The following SCLT1 variants were observed in gnomAD, a reference collection of about 807,000 sequenced individuals.
The protein encoded by SCLT1 is sodium channel-associated protein 1.
Under a neutral mutation model 112.8 loss-of-function variants are expected in SCLT1, and 78 were observed. The ratio of observed to expected loss-of-function variants is 0.69; its 90% CI spans 0.58 to 0.83. SCLT1 has a LOEUF of 0.83. Ranked by LOEUF, SCLT1 falls within the 40% of genes least tolerant of loss-of-function variation. SCLT1 has a pLI of 0.00. For synonymous variants in SCLT1, 257 were observed against 254.7 expected (o/e 1.01, Z -0.09); for missense variants, 747 against 770.4 (o/e 0.97, Z 0.36).
At chr4:128,997,304 G>A (rs1743095096) in intron 8 of SCLT1, 1 of 151,660 alleles carries the variant, frequency 6.6e-6, no homozygotes, top group African/African-American at 2.4e-5. Flanking sequence ...GAAAGAGAGA[G>A]GAATTACCTG....
At chr4:128,898,072 T>C (rs1179757995) in intron 18 of SCLT1, among the ~76,000 whole-genome samples, 3 of 152,120 alleles carry the variant, frequency 2.0e-5, no homozygotes, top group African/African-American at 7.2e-5. Context: ...ACAATAATAA[T>C]GGGAGACTTT....
chr4:129,059,635 C>G (rs1219779798), intron 2 of SCLT1, among the ~76,000 whole-genome samples: 1 of 152,076 alleles, frequency 6.6e-6, no homozygotes, highest in African/African-American at 2.4e-5. Flanking sequence ...GTATAGTATT[C>G]TTGGCTGATA....
chr4:128,930,780 G>T (rs1304697674), intron 18 of SCLT1, among the ~76,000 whole-genome samples: 1 of 152,048 alleles, frequency 6.6e-6, no homozygotes, highest in Non-Finnish European at 1.5e-5. Flanking sequence ...ATAATAACAA[G>T]ACATATGGTA....
At chr4:128,997,173 T>A (rs1303683602) in intron 8 of SCLT1, 3 of 151,766 alleles carry the variant, frequency 2.0e-5, no homozygotes, top group East Asian at 1.9e-4. Context: ...AAAAGAAAAA[T>A]TTTTAAAGTA....
chr4:129,089,004 G>C (rs886845244), intron 1 of SCLT1, among the ~76,000 whole-genome samples: 1 of 152,102 alleles, frequency 6.6e-6, no homozygotes, highest in South Asian at 2.1e-4. Flanking sequence ...CTGACAAATA[G>C]GGTCTAATTA....
chr4:129,030,046 G>A (rs1746559367), intron 5 of SCLT1, among the ~76,000 whole-genome samples: 1 of 152,082 alleles, frequency 6.6e-6, no homozygotes, highest in African/African-American at 2.4e-5. Flanking sequence ...TCTAAAATAG[G>A]CTACATAATT....
chr4:128,875,583 C>CGTT (rs969271778), intron 4 of SCLT1, among the ~76,000 whole-genome samples: 6 of 152,166 alleles, frequency 3.9e-5, no homozygotes, highest in Non-Finnish European at 8.8e-5. Flanking sequence ...GTCACTTAAC[C>CGTT]GTTTTAAGCC....
intron 13 of SCLT1, among the ~76,000 whole-genome samples, chr4:128,953,681 C>A (rs1738962547): frequency 6.6e-6 from 1 of 151,532 alleles, no homozygotes; most frequent in Admixed American, 6.6e-5. Context: ...CACCTGTAGT[C>A]CCAGCTACTC....
chr4:129,059,535 A>C lies in SCLT1; in HGVS notation c.103-15484T>G, dbSNP rs72926017. Among the ~76,000 whole-genome samples, 730 of 152,192 alleles carry C rather than the reference A, an allele frequency of 4.8e-3. 3 individuals are homozygous for C. The highest frequency in any genetic ancestry group is 0.016 in the African/African-American group (663 of 41,534). Reference sequence around the variant, plus strand: ...ATAGGACTCTCTTGAGCATTTCTGTAGGGTTGATAGAGTGGTCATGAATTT... The same window carrying C: ...ATAGGACTCTCTTGAGCATTTCTGTCGGGTTGATAGAGTGGTCATGAATTT... On this transcript the variant is annotated intron_variant, in intron 2 of 20. Transcript: ENST00000281142.
chr4:129,046,008 G>A (rs1174108989), intron 2 of SCLT1, among the ~76,000 whole-genome samples: 1 of 152,058 alleles, frequency 6.6e-6, no homozygotes, highest in African/African-American at 2.4e-5. Flanking sequence ...GCATAGAATG[G>A]TAAGAATGAG....
chr4:129,019,846 T>C (rs900275141), intron 5 of SCLT1, among the ~76,000 whole-genome samples: 1 of 151,876 alleles, frequency 6.6e-6, no homozygotes, highest in Non-Finnish European at 1.5e-5. Flanking sequence ...TGTTTCCTTT[T>C]TTATGCTCCT....
intron 6 of SCLT1, 111 bp from the exon 7 acceptor site, chr4:128,999,905 A>G (rs1356290166): frequency 3.3e-6 from 2 of 603,968 alleles, no homozygotes; most frequent in African/African-American, 3.8e-5. Context: ...ATAAAATAAA[A>G]TAGAACTGTG....
chr4:129,033,504 A>T (rs1746926512), intron 5 of SCLT1, among the ~76,000 whole-genome samples: 1 of 27,504 alleles, frequency 3.6e-5, no homozygotes, highest in African/African-American at 8.8e-5. Flanking sequence ...ACTTAAAGTA[A>T]AAAAAAAAAA....
At chr4:128,976,685 C>T (rs1488977644) in intron 9 of SCLT1, among the ~76,000 whole-genome samples, 1 of 152,120 alleles carries the variant, frequency 6.6e-6, no homozygotes, top group Non-Finnish European at 1.5e-5. Flanking sequence ...TAAAATAAAA[C>T]ATTATGATTC....
At chr4:128,919,749 T>A (rs988460178) in intron 18 of SCLT1, among the ~76,000 whole-genome samples, 3 of 146,880 alleles carry the variant, frequency 2.0e-5, no homozygotes, top group African/African-American at 5.1e-5. Flanking sequence ...AAAAAAAAAA[T>A]AACCTCAGAG....
chr4:128,894,954 A>G (rs1425450201), intron 18 of SCLT1, among the ~76,000 whole-genome samples: 8 of 152,162 alleles, frequency 5.3e-5, no homozygotes, highest in Non-Finnish European at 1.0e-4. Context: ...CTGGGATTAC[A>G]GGCATGAGCC....
At chr4:128,879,125 TAAA>T (rs537003032), downstream of SCLT1, among the ~76,000 whole-genome samples, 1 of 143,068 alleles carries the variant, frequency 7.0e-6, no homozygotes, top group Admixed American at 6.9e-5. Flanking sequence ...CTTAAAGTAT[TAAA>T]AAAAAAAAAG....
intron 5 of SCLT1, among the ~76,000 whole-genome samples, chr4:129,005,647 C>T (rs1290759756): frequency 2.6e-5 from 4 of 151,924 alleles, no homozygotes; most frequent in Admixed American, 6.6e-5. Context: ...ACCATTTGAC[C>T]CAGCCATTGC....
intron 5 of SCLT1, among the ~76,000 whole-genome samples, chr4:129,033,635 GC>G (rs1253315192): frequency 6.6e-6 from 1 of 151,800 alleles, no homozygotes; most frequent in Non-Finnish European, 1.5e-5. Context: ...GCTCAGGAAT[GC>G]CTCCTTGATA....
Sources: gnomAD v4.1 joint callset for allele counts (sites outside exome capture counted in the v4.1 genomes callset) on GRCh38, gnomAD v4.1.1 for gene constraint, MANE v1.5 for transcripts, NCBI Gene and HGNC (gene_info 2026-07-23, HGNC 2026-07-21) for gene names.